The following MAEA variants were observed in gnomAD, a reference collection of about 807,000 sequenced individuals.
MAEA encodes the protein E3 ubiquitin-protein transferase MAEA.
Under a neutral mutation model 46.2 loss-of-function variants are expected in MAEA, and 22 were observed. The observed-to-expected ratio is 0.48, with a 90% CI of 0.34 to 0.68. The LOEUF (loss-of-function observed/expected upper bound fraction) is 0.68. MAEA is among the 30% of genes least tolerant of loss of function. MAEA has a pLI of 0.01. For synonymous variants in MAEA, 246 were observed against 222.6 expected (o/e 1.11, Z -0.94); for missense variants, 393 against 558.1 (o/e 0.70, Z 2.98).
At chr4:1,299,378 C>T (rs1384089058) in intron 1 of MAEA, among the ~76,000 whole-genome samples, 4 of 152,172 alleles carry the variant, frequency 2.6e-5, no homozygotes, top group Admixed American at 2.0e-4. Flanking sequence ...AGGACATGCC[C>T]AGGCCCAGCT....
chr4:1,317,741 G>T (rs1737479509), intron 3 of MAEA, among the ~76,000 whole-genome samples: 1 of 152,234 alleles, frequency 6.6e-6, no homozygotes, highest in Non-Finnish European at 1.5e-5. Flanking sequence ...TCACAGCTGT[G>T]CCATGAGTTG....
intron 1 of MAEA, among the ~76,000 whole-genome samples, chr4:1,291,928 A>T (rs971440942): frequency 2.0e-5 from 3 of 152,182 alleles, no homozygotes. Context: ...ACTTTTTTTC[A>T]TAGAAGTTTT....
rs113473546 is a variant in MAEA, at chr4:1,291,900, T to C, written c.69+1918T>C. Among the ~76,000 whole-genome samples the C allele has an allele frequency of 7.7e-3, 1,167 of 152,376 alleles. 13 individuals carry two copies. Among genetic ancestry groups the C allele is most frequent in the African/African-American group, 0.027 (1,108 of 41,586 alleles). ...GTCATAATTTCTCTGTTGACACTTG[T>C]GTCACTACTGAGTTAAAACTTTTTT... On this transcript the variant is annotated intron_variant, in intron 1 of 8. Transcript: ENST00000303400.
At chr4:1,315,249 C>T (rs1736977922) in intron 2 of MAEA, 148 bp from the exon 3 acceptor site, 4 of 698,524 alleles carry the variant, frequency 5.7e-6, no homozygotes, top group South Asian at 1.9e-5. Flanking sequence ...ACCTGCCTAG[C>T]GGACTCGGTA....
rs138535452 is a variant in MAEA at position 1,291,310 on chromosome 4, G to A, written c.69+1328G>A. 6.4e-4 allele frequency among the ~76,000 whole-genome samples: 98 copies of A among 152,284 alleles called. 3 individuals are homozygous for A. The South Asian group carries it at 0.015, about 24-fold the overall frequency. On this transcript the variant is annotated intron_variant, in intron 1 of 8. Transcript: ENST00000303400. ...ACGCGCCCGCCACACTAATGGTTTC[G>A]CAGTGGGGTTTCATGGTGCTTGTGT...
At position 1,339,201 on chromosome 4, in the gene MAEA, C is replaced by T. The variant is rs777873446; in HGVS notation, c.*32C>T. On this transcript the variant is annotated 3_prime_UTR_variant, in exon 9 of 9. Coordinates refer to ENST00000303400, the MANE Select transcript of MAEA (RefSeq NM_001017405.3). The stretch of plus-strand genomic sequence containing the variant: ...CGTCGTGAAGCGCACGCCTCGGGGA[C>T]GGGCTGCAGTGGGCGGGGAGGCCAC... The T allele has an allele frequency of 3.4e-5, 54 of 1,565,622 alleles. No individual in the cohort carries two copies. The highest frequency in any genetic ancestry group is 1.6e-4 in the African/African-American group (12 of 73,892).
rs933705409 is a variant in MAEA, at chr4:1,328,188, C to T, written c.656+485C>T. Among the ~76,000 whole-genome samples, 7 of 152,240 alleles carry T rather than the reference C, an allele frequency of 4.6e-5. No homozygotes were observed. The South Asian group carries it at 6.2e-4, about 13-fold the overall frequency. Reference sequence around the variant, plus strand: ...CACTTCTGGGTTCTCCGGCCTGTCTCCGACCCAAGGGCGGCGTGCAGTGAG... The same window carrying T: ...CACTTCTGGGTTCTCCGGCCTGTCTTCGACCCAAGGGCGGCGTGCAGTGAG... On this transcript the variant is annotated intron_variant, in intron 5 of 8. Transcript: ENST00000303400.
chr4:1,309,518 A>G, intron 1 of MAEA: 2 of 1,350,098 alleles, frequency 1.5e-6, no homozygotes, highest in Admixed American at 3.0e-5. Flanking sequence ...CTGGAGGGAG[A>G]GGGGGTGCTG....
chr4:1,310,348 G>A (rs751243076), intron 1 of MAEA, among the ~76,000 whole-genome samples: 13 of 152,214 alleles, frequency 8.5e-5, no homozygotes, highest in South Asian at 2.1e-4. Context: ...TAGAGCAGAC[G>A]AAAAGAATCT....
chr4:1,307,896 CCT>C (rs1469733136), intron 1 of MAEA, among the ~76,000 whole-genome samples: 3 of 152,136 alleles, frequency 2.0e-5, no homozygotes, highest in African/African-American at 7.2e-5. Flanking sequence ...CCACCAGTCT[CCT>C]CTGGAAACAC....
intron 1 of MAEA, among the ~76,000 whole-genome samples, chr4:1,292,359 G>A (rs184491834): frequency 2.1e-4 from 32 of 152,310 alleles, no homozygotes; most frequent in African/African-American, 7.5e-4. Context: ...TCCTCACAGC[G>A]TCAGGGCGGC....
At chr4:1,312,375 T>C (rs1480665522) in intron 2 of MAEA, 6 of 571,716 alleles carry the variant, frequency 1.0e-5, no homozygotes, top group Non-Finnish European at 1.9e-5. Context: ...TCCAGGAGTG[T>C]CCAGAGTCCA....
chr4:1,315,325 A>G (rs2108920927), intron 2 of MAEA, 72 bp from the exon 3 acceptor site: 1 of 1,440,074 alleles, frequency 6.9e-7, no homozygotes, highest in African/African-American at 1.4e-5. Flanking sequence ...GGATTGGGGC[A>G]GCCTGGCCTC....
chr4:1,337,973 G>T (rs954001887), intron 7 of MAEA: 1 of 177,640 alleles, frequency 5.6e-6, no homozygotes, highest in Non-Finnish European at 1.2e-5. Context: ...ATTGCTGCTG[G>T]TACCTGGCTG....
At chr4:1,329,590 G>T (rs1156670636) in intron 5 of MAEA, 30 of 985,352 alleles carry the variant, frequency 3.0e-5, no homozygotes, top group Non-Finnish European at 3.6e-5. Flanking sequence ...TACATCCTCT[G>T]CTGGGGCCGT....
Position 1,339,572 on chromosome 4 carries a change from C to T in MAEA, c.*403C>T. The T allele has an allele frequency of 4.5e-6, 1 of 221,042 alleles. No homozygotes were observed. Among genetic ancestry groups the T allele is most frequent in the Non-Finnish European group, 9.1e-6 (1 of 109,378 alleles). The allele number at this position is 221,042 out of a possible 1,614,324, so 13.7% of individuals were successfully genotyped here. On this transcript the variant is annotated 3_prime_UTR_variant, in exon 9 of 9. Transcript: ENST00000303400. ...GAACGGGCTGGTCCTTCACCACTTC[C>T]TGTTGGCCCTGGCCTGGCCGGGGAA...
intron 3 of MAEA, among the ~76,000 whole-genome samples, chr4:1,317,386 C>T (rs190063488): frequency 2.0e-5 from 3 of 150,016 alleles, no homozygotes; most frequent in African/African-American, 7.5e-5. Context: ...AGGCCCCACA[C>T]TCCGGACTCA....
chr4:1,337,830 G>A, intron 7 of MAEA: 1 of 172,844 alleles, frequency 5.8e-6, no homozygotes. Flanking sequence ...TCCTGTGACT[G>A]ACTCTGTCCC....
intron 2 of MAEA, among the ~76,000 whole-genome samples, chr4:1,314,795 C>T (rs887182457): frequency 6.6e-6 from 1 of 152,234 alleles, no homozygotes; most frequent in African/African-American, 2.4e-5. Flanking sequence ...TTCTGCACAG[C>T]AGTTGGAAGC....
Sources: allele counts gnomAD v4.1 joint callset (sites outside exome capture counted in the v4.1 genomes callset), GRCh38; gene constraint gnomAD v4.1.1; transcripts MANE v1.5; gene names NCBI Gene and HGNC (gene_info 2026-07-23, HGNC 2026-07-21).